DEPDC5: variants seen among roughly 807,000 people sequenced by gnomAD.
The protein encoded by DEPDC5 is DEP domain containing 5, GATOR1 subcomplex subunit, also known as GATOR1 complex protein DEPDC5.
In DEPDC5, 73 loss-of-function variants were observed where a neutral mutation model predicts 217.3. The observed-to-expected ratio is 0.34, with a 90% confidence interval of 0.28 to 0.41. The LOEUF (loss-of-function observed/expected upper bound fraction) is 0.41, where lower values mean the gene tolerates loss of function less well. Ranked by LOEUF, DEPDC5 falls within the 10% of genes least tolerant of loss-of-function variation. The pLI is 1.00. For synonymous variants in DEPDC5, 733 were observed against 756.7 expected (o/e 0.97, Z 0.51); for missense variants, 1,675 against 2,070.1 (o/e 0.81, Z 3.70).
intron 8 of DEPDC5, among the ~76,000 whole-genome samples, chr22:31,779,407 T>C (rs1477809594): frequency 6.6e-6 from 1 of 152,212 alleles, no homozygotes; most frequent in African/African-American, 2.4e-5. Flanking sequence ...AGTTTATAAA[T>C]GCTGGGGTGA....
Position 31,826,051 on chromosome 22 carries a change from G to T in DEPDC5, c.2104+3261G>T, listed in dbSNP as rs1282526402. Among the ~76,000 whole-genome samples, 3 of 152,096 alleles carry T rather than the reference G, an allele frequency of 2.0e-5. No individual in the cohort carries two copies. The East Asian group carries it at 5.8e-4, about 29-fold the overall frequency. ...AGGAAGAGACTCACTCTGTCTCCCA[G>T]GCTGGAGTGCAGTGGTGCGATCTCA... On this transcript the variant is annotated intron_variant, in intron 24 of 42. Transcript: ENST00000651528.
At chr22:31,762,408 G>A (rs1036898015) in intron 4 of DEPDC5, among the ~76,000 whole-genome samples, 2 of 152,200 alleles carry the variant, frequency 1.3e-5, no homozygotes, top group African/African-American at 4.8e-5. Flanking sequence ...TTAATTGAAA[G>A]TAAATAAGAT....
intron 38 of DEPDC5, among the ~76,000 whole-genome samples, chr22:31,888,690 C>T (rs1400351871): frequency 6.6e-6 from 1 of 152,144 alleles, no homozygotes; most frequent in African/African-American, 2.4e-5. Context: ...GCTGGGAACA[C>T]GGGCATGTGC....
At chr22:31,824,812 CA>C (rs960754637) in intron 24 of DEPDC5, among the ~76,000 whole-genome samples, 11 of 146,746 alleles carry the variant, frequency 7.5e-5, no homozygotes, top group Non-Finnish European at 1.1e-4. Context: ...CAAAAAAATA[CA>C]AAAAAAAAAT....
chr22:31,799,428 G>A (rs2086618526), intron 14 of DEPDC5, among the ~76,000 whole-genome samples: 1 of 150,846 alleles, frequency 6.6e-6, no homozygotes, highest in Non-Finnish European at 1.5e-5. Flanking sequence ...GTGCCATGGT[G>A]GTTTGCTGCA....
intron 38 of DEPDC5, among the ~76,000 whole-genome samples, chr22:31,881,014 C>CAA (rs753086072): frequency 8.1e-5 from 9 of 111,068 alleles, no homozygotes; most frequent in African/African-American, 1.0e-4. Context: ...GACTCCGTCT[C>CAA]AAAAAAAAAA....
rs16989603 is a variant in DEPDC5 at position 31,883,331 on chromosome 22, C to T, written c.4033+3579C>T. 5.8e-3 allele frequency among the ~76,000 whole-genome samples: 887 copies of T among 152,244 alleles called. 14 individuals carry two copies. Among genetic ancestry groups the T allele is most frequent in the African/African-American group, 0.02 (832 of 41,546 alleles). ...GTGTCAAGTTGATGCGTGATAAGGG[C>T]GTGCTTTCAGAACTTTGGGGTAGGA... On this transcript the variant is annotated intron_variant, in intron 38 of 42. Coordinates refer to ENST00000651528, the MANE Select transcript of DEPDC5 (RefSeq NM_001242896.3).
intron 24 of DEPDC5, 21 bp downstream of exon 24, chr22:31,822,811 T>TA (rs1569018102): frequency 6.2e-7 from 1 of 1,610,434 alleles, no homozygotes; most frequent in Admixed American, 1.7e-5. Context: ...CAAGAGGTAA[T>TA]AGAGTTGGGA....
chr22:31,824,004 C>T (rs1262892158), intron 24 of DEPDC5, among the ~76,000 whole-genome samples: 5 of 152,190 alleles, frequency 3.3e-5, no homozygotes, highest in Non-Finnish European at 5.9e-5. Flanking sequence ...TGGGCTACTA[C>T]GTTGTGCTTT....
At chr22:31,797,375 G>A (rs2086360480) in intron 12 of DEPDC5, among the ~76,000 whole-genome samples, 1 of 152,150 alleles carries the variant, frequency 6.6e-6, no homozygotes, top group Admixed American at 6.6e-5. Flanking sequence ...AGGAGAAAGA[G>A]CGAGCTCAGG....
At chr22:31,778,035 A>G (rs139539147) in intron 7 of DEPDC5, 64 bp from the exon 8 acceptor site, 3 of 1,573,494 alleles carry the variant, frequency 1.9e-6, no homozygotes, top group South Asian at 2.2e-5. Flanking sequence ...GGCGTGAGCT[A>G]TTGCACCAGG....
intron 21 of DEPDC5, chr22:31,815,935 G>T: frequency 2.0e-6 from 2 of 1,005,244 alleles, no homozygotes; most frequent in South Asian, 4.6e-5. Context: ...AGGGTCAAAA[G>T]GGTTTATTTC....
intron 10 of DEPDC5, among the ~76,000 whole-genome samples, chr22:31,785,677 G>A (rs763102933): frequency 7.9e-5 from 12 of 151,704 alleles, no homozygotes; most frequent in Non-Finnish European, 1.5e-4. Context: ...GAACGAAGTT[G>A]GAGGACTCTC....
At chr22:31,780,240 T>C (rs2084286622) in intron 8 of DEPDC5, among the ~76,000 whole-genome samples, 1 of 152,162 alleles carries the variant, frequency 6.6e-6, no homozygotes, top group Non-Finnish European at 1.5e-5. Context: ...TGGGCAGGTA[T>C]GAGACACATT....
chr22:31,783,339 C>G (rs969858538), intron 8 of DEPDC5, among the ~76,000 whole-genome samples: 6 of 152,142 alleles, frequency 3.9e-5, no homozygotes, highest in African/African-American at 1.2e-4. Context: ...CCACCTTTAA[C>G]AGCTGTTAAC....
intron 39 of DEPDC5, 76 bp downstream of exon 39, chr22:31,893,827 T>C: frequency 7.1e-7 from 1 of 1,400,986 alleles, no homozygotes; most frequent in African/African-American, 1.5e-5. Flanking sequence ...TAGAGATTCA[T>C]GTCACTTTAA....
chr22:31,754,738 C>T (rs2075173237), intron 1 of DEPDC5, 124 bp from the exon 2 acceptor site: 5 of 634,618 alleles, frequency 7.9e-6, no homozygotes, highest in Non-Finnish European at 1.4e-5. Context: ...GTGACTTCTT[C>T]CGAGAGTCAC....
chr22:31,790,405 C>T (rs1374448016), intron 10 of DEPDC5, among the ~76,000 whole-genome samples: 4 of 152,184 alleles, frequency 2.6e-5, no homozygotes, highest in Non-Finnish European at 5.9e-5. Flanking sequence ...AAACACCCTA[C>T]TTCTAGGATA....
Position 31,821,733 on chromosome 22 carries a change from G to A in DEPDC5, c.2006+96G>A, listed in dbSNP as rs1407976467. 3.3e-6 allele frequency: 5 copies of A among 1,530,670 alleles called. No individual in the cohort carries two copies. In the African/African-American group the frequency reaches 6.8e-5, roughly 21 times the overall value. The allele number at this position is 1,530,670 out of a possible 1,614,324, so 94.8% of individuals were successfully genotyped here. The stretch of plus-strand genomic sequence containing the variant: ...CAGACTATTGACAAAATGTTGTTTA[G>A]AAGACTTGAAAAGACAGTATGAGGT... On this transcript the variant is annotated intron_variant, in intron 23 of 42. Transcript: ENST00000651528.
Sources: gnomAD v4.1 joint callset for allele counts (sites outside exome capture counted in the v4.1 genomes callset) on GRCh38, gnomAD v4.1.1 for gene constraint, MANE v1.5 for transcripts, NCBI Gene and HGNC (gene_info 2026-07-23, HGNC 2026-07-21) for gene names.